The following HIP1 variants were observed in gnomAD, a reference collection of about 807,000 sequenced individuals.
HIP1 encodes the protein huntingtin interacting protein 1.
In HIP1, 65 loss-of-function variants were observed where a neutral mutation model predicts 147.6. The ratio of observed to expected loss-of-function variants is 0.44; its 90% CI spans 0.36 to 0.54. The LOEUF is 0.54. Among genes scored for constraint, HIP1 ranks in the 20% least tolerant of loss-of-function variants. The pLI is 0.00. For missense variants in HIP1, 1,061 were observed against 1,299.6 expected (o/e 0.82, Z 2.82); for synonymous variants, 479 against 504.0 (o/e 0.95, Z 0.67).
intron 1 of HIP1, among the ~76,000 whole-genome samples, chr7:75,618,251 A>C (rs1797733916): frequency 6.6e-6 from 1 of 152,126 alleles, no homozygotes; most frequent in South Asian, 2.1e-4. Flanking sequence ...TCCTGGGTTC[A>C]AGCGATTCTC....
At chr7:75,730,704 T>C (rs534062487) in intron 1 of HIP1, among the ~76,000 whole-genome samples, 2 of 151,698 alleles carry the variant, frequency 1.3e-5, no homozygotes, top group African/African-American at 4.8e-5. Flanking sequence ...TGTAAGGCCT[T>C]TACCATTTGC....
intron 1 of HIP1, among the ~76,000 whole-genome samples, chr7:75,717,497 T>C (rs1801355600): frequency 6.6e-6 from 1 of 151,872 alleles, no homozygotes; most frequent in South Asian, 2.1e-4. Flanking sequence ...TCTTCCATAA[T>C]GGCAGGTTCA....
At chr7:75,682,702 A>C (rs1554517086) in intron 1 of HIP1, among the ~76,000 whole-genome samples, 1 of 152,190 alleles carries the variant, frequency 6.6e-6, no homozygotes, top group East Asian at 1.9e-4. Context: ...AATGCTTAAA[A>C]AAAGCACTGA....
chr7:75,675,113 CT>C (rs1799852066), intron 1 of HIP1, among the ~76,000 whole-genome samples: 2 of 152,044 alleles, frequency 1.3e-5, no homozygotes, highest in South Asian at 4.1e-4. Flanking sequence ...AATCTTCATT[CT>C]TTTTCTCTCT....
intron 7 of HIP1, among the ~76,000 whole-genome samples, chr7:75,576,351 C>T (rs1166227944): frequency 2.0e-5 from 3 of 152,198 alleles, no homozygotes; most frequent in Non-Finnish European, 4.4e-5. Context: ...CTGCAACCCC[C>T]AGAACCGCCC....
chr7:75,656,119 A>G (rs1462030400), intron 1 of HIP1, among the ~76,000 whole-genome samples: 2 of 152,126 alleles, frequency 1.3e-5, no homozygotes, highest in African/African-American at 2.4e-5. Flanking sequence ...CCCCGTCTCA[A>G]AAAGAAAAAA....
chr7:75,593,842 G>T (rs931275811), intron 2 of HIP1, among the ~76,000 whole-genome samples: 1 of 151,696 alleles, frequency 6.6e-6, no homozygotes, highest in Admixed American at 6.6e-5. Context: ...CACTTCTTCC[G>T]TAAACCCACC....
At chr7:75,585,183 G>A (rs1410795219) in intron 5 of HIP1, among the ~76,000 whole-genome samples, 1 of 118,388 alleles carries the variant, frequency 8.4e-6, no homozygotes, top group Non-Finnish European at 1.7e-5. Context: ...CTCCCAAAAC[G>A]TCTTTTTTTT....
At chr7:75,731,957 G>A (rs1484104092) in intron 1 of HIP1, among the ~76,000 whole-genome samples, 3 of 152,100 alleles carry the variant, frequency 2.0e-5, no homozygotes, top group Non-Finnish European at 4.4e-5. Context: ...TTTTCAAAGA[G>A]CTCTCCAGCC....
chr7:75,657,130 C>A (rs1307930299), intron 1 of HIP1, among the ~76,000 whole-genome samples: 2 of 152,190 alleles, frequency 1.3e-5, no homozygotes, highest in African/African-American at 2.4e-5. Context: ...TATTGCAGCA[C>A]CATTTACAAT....
intron 1 of HIP1, among the ~76,000 whole-genome samples, chr7:75,721,126 C>A (rs1554521277): frequency 6.6e-6 from 1 of 151,860 alleles, no homozygotes; most frequent in Non-Finnish European, 1.5e-5. Context: ...CCTGTAATCC[C>A]AGCACTTTGG....
chr7:75,614,746 A>G (rs1797581362), intron 1 of HIP1, among the ~76,000 whole-genome samples: 1 of 151,956 alleles, frequency 6.6e-6, no homozygotes, highest in Non-Finnish European at 1.5e-5. Context: ...TCACAGGAAA[A>G]AAAAAGATAA....
chr7:75,538,348 T>C, intron 30 of HIP1, 124 bp from the exon 31 acceptor site: 3 of 784,598 alleles, frequency 3.8e-6, no homozygotes, highest in South Asian at 1.5e-5. Context: ...TGTAATCACA[T>C]AGTCCCCAAG....
intron 7 of HIP1, among the ~76,000 whole-genome samples, chr7:75,574,159 G>T (rs1795750038): frequency 6.6e-6 from 1 of 152,192 alleles, no homozygotes. Flanking sequence ...CGAGCATGGT[G>T]GCGCATGCCT....
chr7:75,617,653 G>T (rs1427886380), intron 1 of HIP1, among the ~76,000 whole-genome samples: 6 of 152,206 alleles, frequency 3.9e-5, no homozygotes, highest in Admixed American at 3.9e-4. Context: ...TGGAATGTAG[G>T]GCACAGGGTA....
Position 75,546,993 on chromosome 7 carries a change from C to A in HIP1, c.2505G>T (p.Gln835His), listed in dbSNP as rs782695601. The A allele has an allele frequency of 2.5e-6, 4 of 1,588,756 alleles. No individual in the cohort carries two copies. Among genetic ancestry groups the A allele is most frequent in the Non-Finnish European group, 3.4e-6 (4 of 1,166,774 alleles). ...GGTCCTTAGAGGCCACGATGAGCAC[C>A]TGAATAGCTTGCATGAGGCTGGTAC... is the stretch of plus-strand genomic sequence containing the variant. ...GCCTSLMQAIQVLIVASKDLQ... is the reference protein window; with the variant it reads ...GCCTSLMQAIHVLIVASKDLQ... The change falls in exon 25 of 31, where the codon CAG becomes CAT. Residue 835 changes from glutamine to histidine, a missense_variant. Gln to His is a conservative substitution (Grantham distance 24, BLOSUM62 0). Coordinates refer to ENST00000336926, the MANE Select transcript of HIP1 (RefSeq NM_005338.7).
intron 5 of HIP1, among the ~76,000 whole-genome samples, chr7:75,585,928 C>T (rs1038510275): frequency 2.6e-5 from 4 of 152,080 alleles, no homozygotes; most frequent in African/African-American, 9.7e-5. Flanking sequence ...TATCCTCCCA[C>T]CTCAGCCTCC....
chr7:75,631,503 G>C (rs7792090), intron 1 of HIP1, among the ~76,000 whole-genome samples: 1 of 152,194 alleles, frequency 6.6e-6, no homozygotes, highest in South Asian at 2.1e-4. Context: ...GTGCACAGGG[G>C]ACAGGGCTGT....
rs782107333 is a variant in HIP1, at chr7:75,571,045, A to C, written c.745+2716T>G. ...ATAAATAAATAAAGTAAATTAAAAAACTATGTATTGTAAAGAGTATCCCTC... is the reference window on the plus strand; with the variant it reads ...ATAAATAAATAAAGTAAATTAAAAACCTATGTATTGTAAAGAGTATCCCTC... On this transcript the variant is annotated intron_variant, in intron 8 of 30. Transcript: ENST00000336926. 5.9e-5 allele frequency among the ~76,000 whole-genome samples: 9 copies of C among 152,134 alleles called. No homozygotes were observed. The East Asian group carries it at 7.7e-4, about 13-fold the overall frequency.
Sources: gnomAD v4.1 joint callset for allele counts (sites outside exome capture counted in the v4.1 genomes callset) on GRCh38, gnomAD v4.1.1 for gene constraint, MANE v1.5 for transcripts, NCBI Gene and HGNC (gene_info 2026-07-23, HGNC 2026-07-21) for gene names.